The following CIBAR2 variants were observed in gnomAD, a reference collection of about 807,000 sequenced individuals.
CIBAR2 encodes CBY1-interacting BAR domain-containing protein 2.
In CIBAR2, 38 loss-of-function variants were observed where a neutral mutation model predicts 36.2. The ratio of observed to expected loss-of-function variants is 1.05; its 90% CI spans 0.81 to 1.38. The LOEUF is 1.38. CIBAR2 is among the 40% of genes most tolerant of loss of function. The probability of loss-of-function intolerance (pLI) is 0.00; values close to 1 mark genes in which losing one functional copy is unlikely to be tolerated. For missense variants in CIBAR2, 481 were observed against 383.4 expected, an observed-to-expected ratio of 1.25 and a Z score of -2.13; for synonymous variants, 182 against 149.5, an observed-to-expected ratio of 1.22 and a Z score of -1.58.
intron 1 of CIBAR2, among the ~76,000 whole-genome samples, chr16:85,111,478 T>C (rs780920667): frequency 1.3e-4 from 20 of 152,092 alleles, no homozygotes; most frequent in South Asian, 2.1e-4. Flanking sequence ...AGTCAGACAC[T>C]GGGGCTCCTA....
rs1189311678 is a variant in CIBAR2, at chr16:85,099,179, A to G, written c.*6T>C. ...AACGGCTTGGGATTGCACTTACCCT[A>G]CGTCGTTAGAGAGAATGTCCTGGAA... is the stretch of plus-strand genomic sequence containing the variant. On this transcript the variant is annotated 3_prime_UTR_variant, in exon 9 of 9. Transcript: ENST00000539556. 2.6e-6 allele frequency: 4 copies of G among 1,554,270 alleles called. No homozygotes were observed. The highest frequency in any genetic ancestry group is 2.6e-6 in the Non-Finnish European group (3 of 1,152,490).
rs188410479 is a variant in CIBAR2 at position 85,112,418 on chromosome 16, C to G, written c.-66G>C. ...GACAGGGCCCCAGGGGTCCTGCAGG[C>G]CTGGGAGGAGCCGGGCAGGGCTGGG... On this transcript the variant is annotated 5_prime_UTR_variant, in exon 1 of 9. Coordinates refer to ENST00000539556, the MANE Select transcript of CIBAR2 (RefSeq NM_198491.3). 1,247 of 1,523,602 alleles carry G rather than the reference C, an allele frequency of 8.2e-4. 14 individuals carry two copies. The African/African-American group carries it at 0.015, about 18-fold the overall frequency. 94.4% of individuals were successfully genotyped at this position (1,523,602 alleles called of 1,614,324 possible). A position where few individuals can be genotyped will look rare whatever the true frequency, so the allele number is the denominator to read the frequency against.
At chr16:85,104,984 A>G (rs2144163187) in intron 6 of CIBAR2, among the ~76,000 whole-genome samples, 2 of 152,218 alleles carry the variant, frequency 1.3e-5, no homozygotes, top group South Asian at 4.1e-4. Flanking sequence ...AGCTGTGAGG[A>G]GAAAAAGAGG....
chr16:85,108,968 G>A (rs1355059513), intron 2 of CIBAR2, among the ~76,000 whole-genome samples: 3 of 152,142 alleles, frequency 2.0e-5, no homozygotes, highest in South Asian at 2.1e-4. Flanking sequence ...CTCTGTGAAC[G>A]CGTAGACATC....
Position 85,098,563 on chromosome 16 carries a change from T to C in CIBAR2, c.*622A>G. 1 of 985,922 alleles carries C rather than the reference T, an allele frequency of 1.0e-6. No individual in the cohort carries two copies. Among genetic ancestry groups the C allele is most frequent in the Non-Finnish European group, 1.2e-6 (1 of 830,004 alleles). The allele number at this position is 985,922 out of a possible 1,614,324, so 61.1% of individuals were successfully genotyped here. On this transcript the variant is annotated 3_prime_UTR_variant, in exon 9 of 9. Transcript: ENST00000539556. ...AGTTCTTCTGACTGTTGTGGGCAGT[T>C]CTCTCTTATGGGGTCCCTGCCCCAG...
chr16:85,108,060 G>T lies in CIBAR2; in HGVS notation c.295C>A (p.Leu99Ile). The change falls in exon 3 of 9, where the codon CTC (leucine) becomes ATC (isoleucine). Residue 99 changes from leucine (L) to isoleucine (I), a missense_variant. Transcript: ENST00000539556. ...LETKVVNPLK[L>I]YGAQIKQTRA... Reference sequence around the variant, plus strand: ...GTCTGCTTGATCTGTGCCCCGTAGAGCTTCAGGGGGTTGACCACCTTGGTC... The same window carrying T: ...GTCTGCTTGATCTGTGCCCCGTAGATCTTCAGGGGGTTGACCACCTTGGTC... 6.2e-7 allele frequency: 1 copy of T among 1,613,322 alleles called. No individual in the cohort carries two copies. Among genetic ancestry groups the T allele is most frequent in the Non-Finnish European group, 8.5e-7 (1 of 1,179,516 alleles).
At position 85,099,082 on chromosome 16, in the gene CIBAR2, A is replaced by G; in HGVS notation, c.*103T>C. 2.2e-6 allele frequency: 3 copies of G among 1,344,974 alleles called. 1 individual carries two copies. The South Asian group carries it at 5.1e-5, about 23-fold the overall frequency. The allele number at this position is 1,344,974 out of a possible 1,614,324, so 83.3% of individuals were successfully genotyped here. On this transcript the variant is annotated 3_prime_UTR_variant, in exon 9 of 9. Coordinates refer to ENST00000539556, the MANE Select transcript of CIBAR2 (RefSeq NM_198491.3). ...GAAGACAAGGTCTTTGAATTAACAC[A>G]ATCCAACAAAGACAAAGAAAAAAGA...
At chr16:85,101,789 C>T (rs1269414697) in intron 7 of CIBAR2, among the ~76,000 whole-genome samples, 1 of 151,994 alleles carries the variant, frequency 6.6e-6, no homozygotes, top group Admixed American at 6.6e-5. Flanking sequence ...CCTGCCTCAG[C>T]CTCCCGAGTA....
Position 85,108,156 on chromosome 16 carries a change from T to C in CIBAR2, c.256-57A>G, listed in dbSNP as rs111337621. 9.1e-3 allele frequency: 13,819 copies of C among 1,521,694 alleles called. 1,040 individuals are homozygous for C. In the African/African-American group the frequency reaches 0.16, roughly 18 times the overall value. 94.3% of individuals were successfully genotyped at this position (1,521,694 alleles called of 1,614,324 possible). A position where few individuals can be genotyped will look rare whatever the true frequency, so the allele number is the denominator to read the frequency against. The stretch of plus-strand genomic sequence containing the variant: ...CGCAGGGTGCTGCCTGCCTCCAGCC[T>C]GGGCATATAAAGCAGAGCCGGCACC... On this transcript the variant is annotated intron_variant, in intron 2 of 8. Coordinates refer to ENST00000539556, the MANE Select transcript of CIBAR2 (RefSeq NM_198491.3).
Position 85,102,317 on chromosome 16 carries a change from C to T in CIBAR2, c.548G>A (p.Cys183Tyr). The T allele has an allele frequency of 3.1e-6, 5 of 1,608,342 alleles. No homozygotes were observed. Among genetic ancestry groups the T allele is most frequent in the Admixed American group, 1.7e-5 (1 of 59,904 alleles). The change falls in exon 7 of 9, where the codon TGT becomes TAT. Residue 183 changes from cysteine to tyrosine, a missense_variant. Cys to Tyr is a radical substitution (Grantham distance 194, BLOSUM62 -2). Coordinates refer to ENST00000539556, the MANE Select transcript of CIBAR2 (RefSeq NM_198491.3). ...QKLKDLQKFF[C>Y]DFVTIEMVFH... The stretch of plus-strand genomic sequence containing the variant: ...AACCATCTCAATAGTTACAAAGTCA[C>T]AAAAAAATTTCTGTGGGGAGAGAAA...
chr16:85,107,132 G>A (rs548453043), intron 5 of CIBAR2, among the ~76,000 whole-genome samples: 1 of 151,714 alleles, frequency 6.6e-6, no homozygotes, highest in African/African-American at 2.4e-5. Context: ...AGGCAACAGA[G>A]CGAGACTTTG....
intron 6 of CIBAR2, among the ~76,000 whole-genome samples, chr16:85,103,381 G>T (rs186702641): frequency 4.6e-5 from 7 of 152,284 alleles, no homozygotes; most frequent in Admixed American, 4.6e-4. Flanking sequence ...TTGTGTTGGC[G>T]CAGGCTGGAT....
At position 85,110,394 on chromosome 16, in the gene CIBAR2, G is replaced by A; in HGVS notation, c.87C>T (p.Cys29=). 1 of 1,613,518 alleles carries A rather than the reference G, an allele frequency of 6.2e-7. No individual in the cohort carries two copies. Among genetic ancestry groups the A allele is most frequent in the Non-Finnish European group, 8.5e-7 (1 of 1,179,802 alleles). Reference sequence around the variant, plus strand: ...TGCGCGTGTAGGCGGCCAGCAGCGAGCAGAACTGCCCAAAGTACTTCTCGG... The same window carrying A: ...TGCGCGTGTAGGCGGCCAGCAGCGAACAGAACTGCCCAAAGTACTTCTCGG... The part of the protein sequence containing the change: ...ANTEKYFGQF[C]SLLAAYTRKT... The change falls in exon 2 of 9, where the codon TGC becomes TGT. Residue 29 remains cysteine, a synonymous_variant. Transcript: ENST00000539556.
chr16:85,099,287 A>T lies in CIBAR2; in HGVS notation c.813T>A (p.Asn271Lys). 1 of 1,613,560 alleles carries T rather than the reference A, an allele frequency of 6.2e-7. No homozygotes were observed. The highest frequency in any genetic ancestry group is 8.5e-7 in the Non-Finnish European group (1 of 1,179,536). Residue 271 changes from asparagine to lysine, a missense_variant, in exon 9 of 9, where the codon AAT (asparagine) becomes AAA (lysine). Asn to Lys is a moderately conservative substitution (Grantham distance 94, BLOSUM62 0). Coordinates refer to ENST00000539556, the MANE Select transcript of CIBAR2 (RefSeq NM_198491.3). The stretch of plus-strand genomic sequence containing the variant: ...ACTCACAGAGACTAAACCTGCCATG[A>T]TTGGCATGAGGATGTTCAGGGTCTT... ...ANEDPEHPHANHGRFSLCEWV... is the reference protein window; with the variant it reads ...ANEDPEHPHAKHGRFSLCEWV...
chr16:85,104,095 C>T (rs953614724), intron 6 of CIBAR2, among the ~76,000 whole-genome samples: 2 of 152,228 alleles, frequency 1.3e-5, no homozygotes, highest in African/African-American at 4.8e-5. Context: ...CCTGGGATGG[C>T]AGCCCCGTGG....
rs768332661 is a variant in CIBAR2, at chr16:85,110,236, C to A, written c.245G>T (p.Arg82Leu). 2 of 1,564,898 alleles carry A rather than the reference C, an allele frequency of 1.3e-6. No individual in the cohort carries two copies. The highest frequency in any genetic ancestry group is 2.3e-5 in the East Asian group (1 of 44,142). Residue 82 changes from arginine (R) to leucine (L), a missense_variant, in exon 2 of 9, where the codon CGG becomes CTG. By Grantham distance (102) the Arg-to-Leu change is moderately radical. Transcript: ENST00000539556. The part of the protein sequence containing the change: ...AEDLAKVQDY[R>L]QAQVERLETK... ...GCCGGCAGCACTCACCTGGGCCTGC[C>A]GGTAATCCTGCACTTTGGCCAGGTC...
Position 85,108,117 on chromosome 16 carries a change from C to T in CIBAR2, c.256-18G>A. 1.3e-6 allele frequency: 2 copies of T among 1,599,688 alleles called. No individual in the cohort carries two copies. Among genetic ancestry groups the T allele is most frequent in the Non-Finnish European group, 1.7e-6 (2 of 1,173,372 alleles). ...CTCTCGACCTGGGGGAGCGGGGACACCAGGGGATCTGAGCGCAGGGTGCTG... is the reference window on the plus strand; with the variant it reads ...CTCTCGACCTGGGGGAGCGGGGACATCAGGGGATCTGAGCGCAGGGTGCTG... On this transcript the variant is annotated intron_variant, in intron 2 of 8. Transcript: ENST00000539556.
intron 7 of CIBAR2, 137 bp downstream of exon 7, chr16:85,102,074 GACA>G (rs2073959752): frequency 1.6e-6 from 1 of 608,688 alleles, no homozygotes; most frequent in Non-Finnish European, 3.0e-6. Flanking sequence ...GGCAGATATT[GACA>G]ACGCTTCATC....
chr16:85,108,535 G>A (rs555443550), intron 2 of CIBAR2, among the ~76,000 whole-genome samples: 24 of 152,314 alleles, frequency 1.6e-4, no homozygotes, highest in Admixed American at 5.2e-4. Context: ...CCCACTTTGC[G>A]GATGAGAAAA....
Sources: allele counts gnomAD v4.1 joint callset (sites outside exome capture counted in the v4.1 genomes callset), GRCh38; gene constraint gnomAD v4.1.1; transcripts MANE v1.5; gene names NCBI Gene and HGNC (gene_info 2026-07-23, HGNC 2026-07-21).